Variants in TRIP13 observed in about 807,000 individuals in gnomAD.
The protein encoded by TRIP13 is pachytene checkpoint protein 2 homolog.
A neutral mutation model predicts 54.4 loss-of-function variants in TRIP13; 25 were observed. The observed-to-expected ratio is 0.46, with a 90% CI of 0.33 to 0.64. The LOEUF is 0.64. Among genes scored for constraint, TRIP13 ranks in the 30% least tolerant of loss-of-function variants. The pLI, the probability that TRIP13 is intolerant of heterozygous loss-of-function variation, is 0.02. For synonymous variants in TRIP13, 207 were observed against 207.8 expected, an observed-to-expected ratio of 1.00 and a Z score of 0.03; for missense variants, 373 against 534.2, an observed-to-expected ratio of 0.70 and a Z score of 2.97.
intron 5 of TRIP13, among the ~76,000 whole-genome samples, chr5:902,369 G>A (rs1187547658): frequency 6.6e-6 from 1 of 152,202 alleles, no homozygotes; most frequent in Non-Finnish European, 1.5e-5. Flanking sequence ...CTTTTAAAGA[G>A]CAGACAGGCC....
chr5:901,480 G>T (rs1229866825), intron 5 of TRIP13, 49 bp downstream of exon 5: 1 of 1,572,842 alleles, frequency 6.4e-7, no homozygotes, highest in South Asian at 1.1e-5. Flanking sequence ...ATGAAATTTA[G>T]CCTTTACTTG....
chr5:906,813 A>G (rs1754124961), intron 6 of TRIP13, among the ~76,000 whole-genome samples: 1 of 152,104 alleles, frequency 6.6e-6, no homozygotes, highest in South Asian at 2.1e-4. Flanking sequence ...TGATGCTTCT[A>G]TTTTGTTTTG....
rs1754163419 is a variant in TRIP13 at position 908,476 on chromosome 5, C to T, written c.866+15C>T. 6.2e-7 allele frequency: 1 copy of T among 1,612,986 alleles called. No individual in the cohort carries two copies. The highest frequency in any genetic ancestry group is 1.3e-5 in the African/African-American group (1 of 74,928). ...CAGATTAAAAGGTAACCAGGACATG[C>T]AGCAATTTTCCCTGAGAAGTGATGA... On this transcript the variant is annotated intron_variant, in intron 9 of 12. Transcript: ENST00000166345. The surrounding 1 kb of genome is among the most constrained non-coding windows in gnomAD (Gnocchi z 5.2).
At chr5:906,283 A>AT (rs1754113527) in intron 6 of TRIP13, among the ~76,000 whole-genome samples, 1 of 150,014 alleles carries the variant, frequency 6.7e-6, no homozygotes. Flanking sequence ...CAGTACAAAG[A>AT]TCTGGAAATA....
rs369396820 is a variant in TRIP13, at chr5:914,447, G to T, written c.1021-18G>T. On this transcript the variant is annotated intron_variant, in intron 10 of 12. Transcript: ENST00000166345. ...CCTCTGTGGACTCAGCTAACCGCCT[G>T]TACTTCTGTCTCCCCAGTGTCAGAT... is the stretch of plus-strand genomic sequence containing the variant. The T allele has an allele frequency of 6.3e-7, 1 of 1,598,180 alleles. No homozygotes were observed. The highest frequency in any genetic ancestry group is 1.1e-5 in the South Asian group (1 of 90,706).
At position 911,995 on chromosome 5, in the gene TRIP13, A is replaced by G. The variant is rs960016942; in HGVS notation, c.1019A>G (p.Lys340Arg). Residue 340 changes from lysine (K) to arginine (R), a missense_variant and splice_region_variant, in exon 10 of 13, where the codon AAG becomes AGG. This residue lies in a region of TRIP13 where 101 missense variants were observed against 138.5 expected (regional missense o/e 0.73). Coordinates refer to ENST00000166345, the MANE Select transcript of TRIP13 (RefSeq NM_004237.4). This position sits in a 1 kb window ranked among gnomAD's most constrained non-coding sequence, Gnocchi z 4.7. ...CTCTCTTGTTTGGAAGAACTGATGA[A>G]GGTACCTTTATTTTTTTTTTCCTCT... is the stretch of plus-strand genomic sequence containing the variant. ...IYLSCLEELM[K>R]CQIIYPRQQL... 1.3e-6 allele frequency: 2 copies of G among 1,598,034 alleles called. No individual in the cohort carries two copies. Among genetic ancestry groups the G allele is most frequent in the Non-Finnish European group, 1.7e-6 (2 of 1,176,030 alleles).
chr5:907,844 C>T lies in TRIP13; in HGVS notation c.673-144C>T. 1 of 753,286 alleles carries T rather than the reference C, an allele frequency of 1.3e-6. No individual in the cohort carries two copies. The highest frequency in any genetic ancestry group is 2.3e-6 in the Non-Finnish European group (1 of 443,602). The allele number at this position is 753,286 out of a possible 1,614,324, so 46.7% of individuals were successfully genotyped here. A position where few individuals can be genotyped will look rare whatever the true frequency, so the allele number is the denominator to read the frequency against. On this transcript the variant is annotated intron_variant, in intron 7 of 12. Transcript: ENST00000166345. This position sits in a 1 kb window ranked among gnomAD's most constrained non-coding sequence, Gnocchi z 4.1. ...CTCCTCCCATGCTGCCCTAGCTTCTCTGATTTAGGGAGCTTTCTGAGGGGC... is the reference window on the plus strand; with the variant it reads ...CTCCTCCCATGCTGCCCTAGCTTCTTTGATTTAGGGAGCTTTCTGAGGGGC...
Position 915,943 on chromosome 5 carries a change from C to T in TRIP13, c.1173C>T (p.Leu391=), listed in dbSNP as rs748126846. The T allele has an allele frequency of 6.2e-6, 10 of 1,614,026 alleles. No homozygotes were observed. The highest frequency in any genetic ancestry group is 8.5e-6 in the Non-Finnish European group (10 of 1,180,008). ...TCAGCGGCCGGGTCCTGAGAAAACT[C>T]CCCTTTCTGGCTCATGCGCTGTATG... The part of the protein sequence containing the change: ...EGLSGRVLRK[L]PFLAHALYVQ... The change falls in exon 12 of 13, where the codon CTC becomes CTT. Residue 391 remains leucine, a synonymous_variant. Transcript: ENST00000166345. The surrounding 1 kb of genome is among the most constrained non-coding windows in gnomAD (Gnocchi z 4.2).
At chr5:896,268 C>T (rs917451086) in intron 2 of TRIP13, among the ~76,000 whole-genome samples, 7 of 152,084 alleles carry the variant, frequency 4.6e-5, no homozygotes, top group African/African-American at 9.7e-5. Flanking sequence ...GAGCTGTGAT[C>T]GTGCTGCTGC....
At position 911,860 on chromosome 5, in the gene TRIP13, T is replaced by C; in HGVS notation, c.884T>C (p.Ile295Thr). 1 of 1,610,940 alleles carries C rather than the reference T, an allele frequency of 6.2e-7. No individual in the cohort carries two copies. Among genetic ancestry groups the C allele is most frequent in the Non-Finnish European group, 8.5e-7 (1 of 1,179,180 alleles). Reference protein sequence around the residue: ...DQIKRHSNVVILTTSNITEKI... With the variant: ...DQIKRHSNVVTLTTSNITEKI... ...CACAACAGGCATTCCAATGTTGTGATTCTGACCACTTCTAACATCACCGAG... is the reference window on the plus strand; with the variant it reads ...CACAACAGGCATTCCAATGTTGTGACTCTGACCACTTCTAACATCACCGAG... The change falls in exon 10 of 13, where the codon ATT becomes ACT. Residue 295 changes from isoleucine (I) to threonine (T), a missense_variant. Transcript: ENST00000166345. This position sits in a 1 kb window ranked among gnomAD's most constrained non-coding sequence, Gnocchi z 4.7.
In TRIP13 at chr5:907,767, C is replaced by T. The variant is rs373894172; in HGVS notation, c.673-221C>T. 6.6e-6 allele frequency among the ~76,000 whole-genome samples: 1 copy of T among 152,246 alleles called. No homozygotes were observed. The highest frequency in any genetic ancestry group is 2.4e-5 in the African/African-American group (1 of 41,458). On this transcript the variant is annotated intron_variant, in intron 7 of 12. Coordinates refer to ENST00000166345, the MANE Select transcript of TRIP13 (RefSeq NM_004237.4). The surrounding 1 kb of genome is among the most constrained non-coding windows in gnomAD (Gnocchi z 4.1). ...GCCCCGGGCAGGTCAGGTGTGGTCT[C>T]AGGTCTCAGCACCCTGGCATTCAAA...
At chr5:916,246 C>T (rs1754338575) in intron 12 of TRIP13, among the ~76,000 whole-genome samples, 2 of 152,206 alleles carry the variant, frequency 1.3e-5, no homozygotes, top group Non-Finnish European at 1.5e-5. Flanking sequence ...GAGCTCGTGG[C>T]CAGGGCCCTC....
At position 908,198 on chromosome 5, in the gene TRIP13, C is replaced by T. The variant is rs974300018; in HGVS notation, c.759+124C>T. On this transcript the variant is annotated intron_variant, in intron 8 of 12. Transcript: ENST00000166345. This position sits in a 1 kb window ranked among gnomAD's most constrained non-coding sequence, Gnocchi z 5.2. ...CCGGGCTGCCCTCTATCCCTCCCTG[C>T]ACTGTGCGCCTTTCCACCTTGCCGC... 1.0e-5 allele frequency: 14 copies of T among 1,371,452 alleles called. No individual in the cohort carries two copies. The highest frequency in any genetic ancestry group is 1.2e-5 in the Non-Finnish European group (12 of 971,650). 85.0% of individuals were successfully genotyped at this position (1,371,452 alleles called of 1,614,324 possible).
intron 12 of TRIP13, 150 bp downstream of exon 12, chr5:916,123 G>A (rs940616431): frequency 3.9e-5 from 31 of 804,488 alleles, no homozygotes; most frequent in Middle Eastern, 7.3e-4. Context: ...AGCTGACCTT[G>A]GCACCGAAAC....
chr5:914,242 G>A (rs982533039), intron 10 of TRIP13, among the ~76,000 whole-genome samples: 1 of 152,166 alleles, frequency 6.6e-6, no homozygotes. Context: ...GGCATGTTCC[G>A]TTATTTGTAT....
chr5:902,341 A>G (rs1754011019), intron 5 of TRIP13, among the ~76,000 whole-genome samples: 1 of 152,216 alleles, frequency 6.6e-6, no homozygotes, highest in Admixed American at 6.5e-5. Flanking sequence ...TGACAAAGTG[A>G]CCTTAAAACA....
At chr5:893,172 C>T in intron 1 of TRIP13, 82 bp downstream of exon 1, 2 of 1,350,608 alleles carry the variant, frequency 1.5e-6, no homozygotes, top group Non-Finnish European at 2.0e-6. Context: ...GACCCCAGCG[C>T]ACTGATTCTG....
At position 916,956 on chromosome 5, in the gene TRIP13, G is replaced by T. The variant is rs1484861696; in HGVS notation, c.1204-52G>T. On this transcript the variant is annotated intron_variant, in intron 12 of 12. Transcript: ENST00000166345. ...CGGCAGGGGCTGTGGATGCCAGATG[G>T]CCCCACCAAACGTGAGTTGAGCCCC... 5.1e-6 allele frequency: 8 copies of T among 1,564,810 alleles called. No individual in the cohort carries two copies. The Admixed American group carries it at 1.2e-4, about 24-fold the overall frequency.
chr5:904,659 G>T (rs911615094), intron 6 of TRIP13, among the ~76,000 whole-genome samples: 4 of 152,054 alleles, frequency 2.6e-5, no homozygotes, highest in Non-Finnish European at 2.9e-5. Context: ...TTGTTCCACA[G>T]GCCACTCCTG....
Sources: gnomAD v4.1 joint callset for allele counts (sites outside exome capture counted in the v4.1 genomes callset) on GRCh38, gnomAD v4.1.1 for gene constraint, gnomAD v4.1.1 regional missense constraint, Gnocchi (gnomAD v3.1) non-coding constraint, MANE v1.5 for transcripts, NCBI Gene and HGNC (gene_info 2026-07-23, HGNC 2026-07-21) for gene names.